Variants in COLEC12 observed in about 807,000 individuals in gnomAD.
COLEC12 encodes the protein collectin subfamily member 12.
In COLEC12, 33 loss-of-function variants were observed where a neutral mutation model predicts 71.1. That is an observed-to-expected ratio of 0.46 (90% CI 0.35 to 0.62). The LOEUF (loss-of-function observed/expected upper bound fraction) is 0.62, where lower values mean the gene tolerates loss of function less well. COLEC12 is among the 20% of genes least tolerant of loss of function. The pLI is 0.00. For missense variants in COLEC12, 765 were observed against 916.1 expected (o/e 0.84, Z 2.13); for synonymous variants, 350 against 353.0 (o/e 0.99, Z 0.10).
At chr18:486,974 C>G (rs1917530686) in intron 1 of COLEC12, among the ~76,000 whole-genome samples, 1 of 152,094 alleles carries the variant, frequency 6.6e-6, no homozygotes, top group Non-Finnish European at 1.5e-5. Context: ...TAGGTTTATA[C>G]CTACGAGAAA....
chr18:469,832 C>T (rs923365802), intron 2 of COLEC12, among the ~76,000 whole-genome samples: 18 of 151,988 alleles, frequency 1.2e-4, no homozygotes, highest in Non-Finnish European at 1.0e-4. Context: ...GCCTCACTGC[C>T]AGCATGGACA....
At chr18:489,202 G>A (rs1917575752) in intron 1 of COLEC12, among the ~76,000 whole-genome samples, 1 of 152,200 alleles carries the variant, frequency 6.6e-6, no homozygotes, top group African/African-American at 2.4e-5. Flanking sequence ...TTCACATTTA[G>A]CAGCAAAGTT....
intron 1 of COLEC12, among the ~76,000 whole-genome samples, chr18:494,833 A>T (rs1917680624): frequency 6.6e-6 from 1 of 152,234 alleles, no homozygotes; most frequent in Non-Finnish European, 1.5e-5. Context: ...ATCCAACGTC[A>T]CAGGCTAGTG....
intron 1 of COLEC12, among the ~76,000 whole-genome samples, chr18:485,824 C>G (rs573140354): frequency 5.3e-5 from 8 of 152,372 alleles, no homozygotes; most frequent in Non-Finnish European, 8.8e-5. Context: ...ACCTCTCATT[C>G]TTGTATGCTC....
intron 2 of COLEC12, among the ~76,000 whole-genome samples, chr18:462,206 T>C (rs1449725775): frequency 6.6e-6 from 1 of 152,188 alleles, no homozygotes; most frequent in African/African-American, 2.4e-5. Flanking sequence ...CCCAAGAGAA[T>C]TAAAAACACA....
At chr18:384,092 T>C (rs1915292199) in intron 2 of COLEC12, among the ~76,000 whole-genome samples, 1 of 152,082 alleles carries the variant, frequency 6.6e-6, no homozygotes, top group African/African-American at 2.4e-5. Context: ...CAAGATGAGA[T>C]TTGGGTGGGG....
rs141136904 is a variant in COLEC12 at position 347,217 on chromosome 18, C to A, written c.405G>T (p.Thr135=). The stretch of plus-strand genomic sequence containing the variant: ...CCCCGCTCGCCTGTAACTTCTCCAG[C>A]GTATCCTTGTTCTTGCTGGTTTTTT... ...ITEKTSKNKD[T]LEKLQASGDA... The change falls in exon 5 of 10, where the codon ACG becomes ACT. Residue 135 remains threonine, a synonymous_variant. Transcript: ENST00000400256. 8 of 1,614,036 alleles carry A rather than the reference C, an allele frequency of 5.0e-6. No individual in the cohort carries two copies. In the African/African-American group the frequency reaches 8.0e-5, roughly 16 times the overall value.
At position 408,817 on chromosome 18, in the gene COLEC12, CTTAT is replaced by C. The variant is rs1915836573; in HGVS notation, c.59-51299_59-51296del. 6.6e-6 allele frequency among the ~76,000 whole-genome samples: 1 copy of C among 151,936 alleles called. No homozygotes were observed. The highest frequency in any genetic ancestry group is 2.4e-5 in the African/African-American group (1 of 41,378). On this transcript the variant is annotated intron_variant, in intron 2 of 9. Coordinates refer to ENST00000400256, the MANE Select transcript of COLEC12 (RefSeq NM_130386.3). The surrounding 1 kb of genome is among the most constrained non-coding windows in gnomAD (Gnocchi z 4.3). ...AATTCAGAAATGATTGTGTACCATA[CTTAT>C]TTAATTTTTAATTTTTATTTTTTAT...
chr18:322,279 G>A (rs1463852956), intron 8 of COLEC12, among the ~76,000 whole-genome samples: 1 of 152,052 alleles, frequency 6.6e-6, no homozygotes, highest in Non-Finnish European at 1.5e-5. Context: ...CCTCTAACAA[G>A]TCCAAGAGCC....
At chr18:370,740 C>G (rs1204483123) in intron 2 of COLEC12, among the ~76,000 whole-genome samples, 1 of 152,104 alleles carries the variant, frequency 6.6e-6, no homozygotes, top group Non-Finnish European at 1.5e-5. Flanking sequence ...CTTGATGGAT[C>G]TAGGAGGCAT....
chr18:492,257 C>A (rs1181454554), intron 1 of COLEC12, among the ~76,000 whole-genome samples: 1 of 152,136 alleles, frequency 6.6e-6, no homozygotes, highest in Non-Finnish European at 1.5e-5. Context: ...ATTTCTGGCA[C>A]AACTTGCAAT....
intron 2 of COLEC12, among the ~76,000 whole-genome samples, chr18:430,210 TG>T (rs1046368250): frequency 4.6e-5 from 7 of 152,052 alleles, no homozygotes; most frequent in African/African-American, 1.7e-4. Context: ...GTGGCGCACC[TG>T]TAGTCCCAGC....
At chr18:468,185 C>T (rs1284716437) in intron 2 of COLEC12, among the ~76,000 whole-genome samples, 2 of 151,480 alleles carry the variant, frequency 1.3e-5, no homozygotes, top group African/African-American at 2.4e-5. Context: ...TCGCTTAAAC[C>T]CGGTAGGCGG....
intron 2 of COLEC12, among the ~76,000 whole-genome samples, chr18:478,827 C>T (rs1344003466): frequency 6.6e-6 from 1 of 151,802 alleles, no homozygotes; most frequent in Admixed American, 6.6e-5. Context: ...GCATCACTCT[C>T]TTCCAGCCTC....
In COLEC12 at chr18:440,081, T is replaced by C. The variant is rs531825485; in HGVS notation, c.58+40626A>G. Among the ~76,000 whole-genome samples the C allele has an allele frequency of 6.6e-5, 10 of 151,684 alleles. No individual in the cohort carries two copies. The South Asian group carries it at 1.9e-3, about 28-fold the overall frequency. ...ACAACATGGATGAAACTGGAGGATA[T>C]TATGCTAAGTGAAGTAAGCCAGACA... On this transcript the variant is annotated intron_variant, in intron 2 of 9. Transcript: ENST00000400256.
intron 2 of COLEC12, among the ~76,000 whole-genome samples, chr18:449,669 G>A (rs1871652): frequency 0.25 from 38,465 of 152,116 alleles, 5,585 homozygotes; most frequent in South Asian, 0.44. Context: ...ATCTGCCACC[G>A]TGATTCCTGC....
chr18:318,063 G>GC lies in COLEC12; in HGVS notation c.*1981dup, dbSNP rs1482676692. ...GCGATCTCGGCTCACTGCAAGCTCC[G>GC]CTTCCTGGGTTCACGCCATTCTCCT... On this transcript the variant is annotated 3_prime_UTR_variant, in exon 10 of 10. Coordinates refer to ENST00000400256, the MANE Select transcript of COLEC12 (RefSeq NM_130386.3). 1 of 147,038 alleles carries GC rather than the reference G, an allele frequency of 6.8e-6. No individual in the cohort carries two copies. The highest frequency in any genetic ancestry group is 1.5e-5 in the Non-Finnish European group (1 of 66,298). The allele number at this position is 147,038 out of a possible 1,614,324, so 9.1% of individuals were successfully genotyped here.
intron 2 of COLEC12, among the ~76,000 whole-genome samples, chr18:388,002 A>G (rs1183841095): frequency 6.6e-6 from 1 of 152,156 alleles, no homozygotes; most frequent in Non-Finnish European, 1.5e-5. Context: ...GTTTTGGCCT[A>G]TAGTTTCAGT....
intron 2 of COLEC12, among the ~76,000 whole-genome samples, chr18:361,616 A>G (rs1022749093): frequency 6.6e-6 from 1 of 152,162 alleles, no homozygotes; most frequent in Non-Finnish European, 1.5e-5. Context: ...CTGTAATCTG[A>G]TGGTATAAAA....
Sources: allele counts gnomAD v4.1 joint callset (sites outside exome capture counted in the v4.1 genomes callset), GRCh38; gene constraint gnomAD v4.1.1; non-coding constraint Gnocchi (gnomAD v3.1); transcripts MANE v1.5; gene names NCBI Gene and HGNC (gene_info 2026-07-23, HGNC 2026-07-21).